SNX8: variants seen among roughly 807,000 people sequenced by gnomAD.
The protein encoded by SNX8 is sorting nexin-8.
SNX8 carries 25 observed loss-of-function variants against 51.6 expected under a neutral mutation model. The ratio of observed to expected loss-of-function variants is 0.48; its 90% CI spans 0.35 to 0.68. The LOEUF is 0.68. Among genes scored for constraint, SNX8 ranks in the 30% least tolerant of loss-of-function variants. The pLI, the probability that SNX8 is intolerant of heterozygous loss-of-function variation, is 0.00. For synonymous variants in SNX8, 324 were observed against 277.0 expected, an observed-to-expected ratio of 1.17 and a Z score of -1.68; for missense variants, 695 against 624.0, an observed-to-expected ratio of 1.11 and a Z score of -1.21.
At chr7:2,273,379 T>C (rs979291753) in intron 3 of SNX8, among the ~76,000 whole-genome samples, 2 of 148,980 alleles carry the variant, frequency 1.3e-5, no homozygotes, top group East Asian at 2.0e-4. Context: ...GGTCAGGAGA[T>C]TGAGACCATC....
chr7:2,292,675 T>A (rs985776885), intron 1 of SNX8, among the ~76,000 whole-genome samples: 8 of 152,154 alleles, frequency 5.3e-5, no homozygotes, highest in Non-Finnish European at 1.2e-4. Flanking sequence ...CCTCCCGAAG[T>A]GCTGGGATTA....
At chr7:2,313,827 T>C (rs978808668) in intron 1 of SNX8, among the ~76,000 whole-genome samples, 26 of 152,242 alleles carry the variant, frequency 1.7e-4, no homozygotes, top group Admixed American at 3.3e-4. Flanking sequence ...GGTTCACAGA[T>C]GAGAAAACAG....
At chr7:2,267,170 T>C (rs1795484034) in intron 5 of SNX8, among the ~76,000 whole-genome samples, 1 of 152,208 alleles carries the variant, frequency 6.6e-6, no homozygotes, top group South Asian at 2.1e-4. Context: ...GAGGGTTAAA[T>C]GAGGAAACCA....
chr7:2,326,436 CG>C (rs779559045), intron 1 of SNX8, among the ~76,000 whole-genome samples: 8 of 151,932 alleles, frequency 5.3e-5, no homozygotes, highest in Non-Finnish European at 1.0e-4. Context: ...AAGGCCAAGG[CG>C]GGCAGATCAC....
At chr7:2,284,140 G>A (rs1013218235) in intron 1 of SNX8, among the ~76,000 whole-genome samples, 1 of 152,118 alleles carries the variant, frequency 6.6e-6, no homozygotes, top group African/African-American at 2.4e-5. Context: ...ATGTTGTCCA[G>A]GCTAGTCTCG....
chr7:2,281,259 T>C (rs1477876578), intron 1 of SNX8, among the ~76,000 whole-genome samples: 1 of 151,734 alleles, frequency 6.6e-6, no homozygotes, highest in African/African-American at 2.4e-5. Flanking sequence ...ATGCCATCTC[T>C]ACAAAAAATA....
intron 1 of SNX8, among the ~76,000 whole-genome samples, chr7:2,334,007 C>A (rs1294177238): frequency 6.6e-6 from 1 of 152,160 alleles, no homozygotes; most frequent in Admixed American, 6.6e-5. Flanking sequence ...GAGGGGCACA[C>A]ACCTGTAGTC....
At chr7:2,324,220 G>A (rs1056567288) in intron 1 of SNX8, among the ~76,000 whole-genome samples, 3 of 151,812 alleles carry the variant, frequency 2.0e-5, no homozygotes, top group African/African-American at 7.3e-5. Context: ...CAAGGCAGGA[G>A]GGTTACTTGA....
intron 1 of SNX8, among the ~76,000 whole-genome samples, chr7:2,352,566 C>T (rs1779169750): frequency 6.6e-6 from 1 of 152,144 alleles, no homozygotes; most frequent in African/African-American, 2.4e-5. Flanking sequence ...GGCGTATTGG[C>T]TCACACCTGT....
At chr7:2,320,192 C>A (rs1306454777) in intron 1 of SNX8, among the ~76,000 whole-genome samples, 1 of 151,456 alleles carries the variant, frequency 6.6e-6, no homozygotes, top group Non-Finnish European at 1.5e-5. Flanking sequence ...CCCCTCTCTA[C>A]TAAAAATACA....
At position 2,265,735 on chromosome 7, in the gene SNX8, G is replaced by A. The variant is rs117897023; in HGVS notation, c.622-1277C>T. The stretch of plus-strand genomic sequence containing the variant: ...ATGGGGGGAAGGCCTCTTCTATGCC[G>A]CGTTTATTCCCAAAGACTTTTTATA... On this transcript the variant is annotated intron_variant, in intron 5 of 10. Transcript: ENST00000222990. Among the ~76,000 whole-genome samples the A allele has an allele frequency of 1.1e-4, 16 of 152,342 alleles. No homozygotes were observed. The East Asian group carries it at 1.5e-3, about 15-fold the overall frequency.
At chr7:2,330,752 CCTCT>C (rs1272312005) in intron 1 of SNX8, among the ~76,000 whole-genome samples, 3 of 152,062 alleles carry the variant, frequency 2.0e-5, no homozygotes, top group Admixed American at 1.3e-4. Context: ...CAGAAGCCTC[CCTCT>C]GTGTTGACTG....
At chr7:2,342,185 AAAT>A (rs759425588) in intron 1 of SNX8, among the ~76,000 whole-genome samples, 37 of 151,344 alleles carry the variant, frequency 2.4e-4, no homozygotes, top group Non-Finnish European at 2.9e-4. Context: ...GTCTCAAAAA[AAAT>A]AATAATAAAT....
At chr7:2,353,515 C>G (rs1336092510) in intron 1 of SNX8, among the ~76,000 whole-genome samples, 1 of 152,140 alleles carries the variant, frequency 6.6e-6, no homozygotes, top group Non-Finnish European at 1.5e-5. Context: ...CTCTTGGGCT[C>G]AAGTGATCCT....
intron 1 of SNX8, among the ~76,000 whole-genome samples, chr7:2,283,093 C>G (rs1234628578): frequency 6.6e-6 from 1 of 151,928 alleles, no homozygotes; most frequent in Non-Finnish European, 1.5e-5. Flanking sequence ...TGCACTCCAG[C>G]CTGGGCGACA....
intron 1 of SNX8, among the ~76,000 whole-genome samples, chr7:2,343,360 G>A (rs1778967610): frequency 6.6e-6 from 1 of 152,066 alleles, no homozygotes; most frequent in East Asian, 1.9e-4. Flanking sequence ...AAAGTTTAAA[G>A]ACTAGAAGCC....
chr7:2,291,613 A>G (rs1796152705), intron 1 of SNX8, among the ~76,000 whole-genome samples: 7 of 151,946 alleles, frequency 4.6e-5, no homozygotes, highest in Admixed American at 3.9e-4. Context: ...GAAAAAAGAA[A>G]AAAAAAAAAA....
At chr7:2,258,841 A>C (rs1172326618) in intron 7 of SNX8, among the ~76,000 whole-genome samples, 1 of 152,162 alleles carries the variant, frequency 6.6e-6, no homozygotes, top group East Asian at 1.9e-4. Context: ...CCAACAGGGC[A>C]GTGAGTGCAC....
At chr7:2,266,591 C>T (rs1462679015) in intron 5 of SNX8, among the ~76,000 whole-genome samples, 1 of 152,162 alleles carries the variant, frequency 6.6e-6, no homozygotes, top group Non-Finnish European at 1.5e-5. Context: ...GTGATCCACC[C>T]GCCTCGGCCT....
Sources: gnomAD v4.1 joint callset for allele counts (sites outside exome capture counted in the v4.1 genomes callset) on GRCh38, gnomAD v4.1.1 for gene constraint, MANE v1.5 for transcripts, NCBI Gene and HGNC (gene_info 2026-07-23, HGNC 2026-07-21) for gene names.